Variants in DYNLL1 observed in about 807,000 individuals in gnomAD.
DYNLL1 encodes the protein dynein light chain 1, cytoplasmic.
In DYNLL1, 3 loss-of-function variants were observed where a neutral mutation model predicts 10.1. The observed-to-expected ratio is 0.30, with a 90% CI of 0.14 to 0.77. The LOEUF is 0.77. Ranked by LOEUF, DYNLL1 falls within the 30% of genes least tolerant of loss-of-function variation. The pLI is 0.66. For synonymous variants in DYNLL1, 46 were observed against 41.2 expected, an observed-to-expected ratio of 1.12 and a Z score of -0.45; for missense variants, 47 against 111.7, an observed-to-expected ratio of 0.42 and a Z score of 2.61.
intron 1 of DYNLL1, 61 bp from the exon 2 acceptor site, chr12:120,496,355 G>C (rs1374864415): frequency 1.2e-6 from 2 of 1,603,434 alleles, no homozygotes; most frequent in African/African-American, 2.7e-5. Context: ...CGGGGTGGGG[G>C]CAGTTAGTGC....
chr12:120,492,459 C>T (rs963433116), upstream of DYNLL1, among the ~76,000 whole-genome samples: 1 of 151,934 alleles, frequency 6.6e-6, no homozygotes, highest in Non-Finnish European at 1.5e-5. This position sits in a 1 kb window ranked among gnomAD's most constrained non-coding sequence, Gnocchi z 4.1. Flanking sequence ...CCCAGCTACT[C>T]GGGAGGCTGA....
chr12:120,491,919 G>A (rs1209548564), upstream of DYNLL1: 3 of 152,192 alleles, frequency 2.0e-5, no homozygotes, highest in Admixed American at 1.3e-4. Context: ...GCCAGGGGCC[G>A]ACGATGCTTA....
intron 1 of DYNLL1, among the ~76,000 whole-genome samples, chr12:120,484,582 A>G (rs1187176598): frequency 6.6e-6 from 1 of 152,200 alleles, no homozygotes; most frequent in Non-Finnish European, 1.5e-5. Flanking sequence ...TTTCACTTTT[A>G]TACAATGAGT....
chr12:120,476,097 G>A (rs2393590), intron 1 of DYNLL1, among the ~76,000 whole-genome samples: 40,985 of 151,894 alleles, frequency 0.27, 6,183 homozygotes, highest in East Asian at 0.5. Flanking sequence ...AAAGGGTAGG[G>A]GGGTGTGAAA....
rs374238591 is a variant in DYNLL1 at position 120,474,853 on chromosome 12, C to T, written c.-7+4749C>T. 4.1e-4 allele frequency among the ~76,000 whole-genome samples: 63 copies of T among 152,302 alleles called. No individual in the cohort carries two copies. The South Asian group carries it at 6.2e-3, about 15-fold the overall frequency. On this transcript the variant is annotated intron_variant, in intron 1 of 2. Transcript: ENST00000392509. ...AGCTATGGAATGAGTCACTGGGAAA[C>T]GTGTTCCTGGTCACAGCACCCTGGG...
At chr12:120,496,241 G>T (rs1323925217) in intron 1 of DYNLL1, 25 bp downstream of exon 1, 1 of 889,422 alleles carries the variant, frequency 1.1e-6, no homozygotes, top group Admixed American at 2.7e-5. Context: ...GGGCCAGGGG[G>T]TGTCCTCGCT....
chr12:120,496,747 T>G (rs1449772633), intron 2 of DYNLL1, 194 bp downstream of exon 2: 4 of 771,236 alleles, frequency 5.2e-6, no homozygotes, highest in East Asian at 2.7e-5. Context: ...CGAAGTTTTT[T>G]TTTTTTTTTT....
chr12:120,485,669 A>G (rs1373213822), intron 1 of DYNLL1, among the ~76,000 whole-genome samples: 1 of 151,792 alleles, frequency 6.6e-6, no homozygotes, highest in East Asian at 1.9e-4. Context: ...GTGATACCTC[A>G]TTTTTATTAA....
At chr12:120,492,583 T>A (rs1284058146), upstream of DYNLL1, among the ~76,000 whole-genome samples, 1 of 151,872 alleles carries the variant, frequency 6.6e-6, no homozygotes, top group African/African-American at 2.4e-5. The surrounding 1 kb of genome is among the most constrained non-coding windows in gnomAD (Gnocchi z 4.1). Context: ...AATAAATAAA[T>A]AAAAATAAAA....
chr12:120,495,732 T>C (rs1052784344), upstream of DYNLL1: 15 of 151,672 alleles, frequency 9.9e-5, no homozygotes, highest in African/African-American at 3.7e-4. Flanking sequence ...GCCACCAACT[T>C]CTAGAGACTG....
chr12:120,471,308 G>C (rs907634862), intron 1 of DYNLL1, among the ~76,000 whole-genome samples: 2 of 151,942 alleles, frequency 1.3e-5, no homozygotes, highest in East Asian at 3.9e-4. Context: ...GGGAGGCAGA[G>C]GTTGCAGTGA....
intron 2 of DYNLL1, chr12:120,497,107 AGAT>A (rs759375980): frequency 5.7e-5 from 10 of 176,908 alleles, no homozygotes; most frequent in Non-Finnish European, 1.1e-4. Context: ...GAGAATGGGA[AGAT>A]GAAAGACTTC....
intron 1 of DYNLL1, among the ~76,000 whole-genome samples, chr12:120,480,036 C>T (rs1878848604): frequency 6.6e-6 from 1 of 152,042 alleles, no homozygotes; most frequent in Admixed American, 6.6e-5. Context: ...TCACAGTGTC[C>T]AAAGGAGAGC....
intron 1 of DYNLL1, 96 bp downstream of exon 1, chr12:120,496,312 G>T: frequency 6.7e-7 from 1 of 1,493,032 alleles, no homozygotes; most frequent in African/African-American, 1.4e-5. Flanking sequence ...CTGAGAAGTG[G>T]GGTGGGGGGC....
At chr12:120,486,438 C>T (rs1292324469) in intron 1 of DYNLL1, among the ~76,000 whole-genome samples, 5 of 151,762 alleles carry the variant, frequency 3.3e-5, no homozygotes, top group African/African-American at 1.2e-4. Flanking sequence ...CCTCTCTGTC[C>T]CCTGAGAGAA....
chr12:120,479,135 A>G (rs1470032973), intron 1 of DYNLL1, among the ~76,000 whole-genome samples: 7 of 149,732 alleles, frequency 4.7e-5, no homozygotes, highest in African/African-American at 1.5e-4. Flanking sequence ...CTGCACAGCA[A>G]CCTGGGTGAC....
intron 1 of DYNLL1, among the ~76,000 whole-genome samples, chr12:120,479,156 T>A (rs1016321204): frequency 7.0e-6 from 1 of 142,690 alleles, no homozygotes; most frequent in Non-Finnish European, 1.5e-5. Context: ...AGAGCAAGTC[T>A]CCGTGTAAAA....
intron 1 of DYNLL1, among the ~76,000 whole-genome samples, chr12:120,483,210 C>T (rs2137062000): frequency 6.6e-6 from 1 of 151,802 alleles, no homozygotes; most frequent in East Asian, 1.9e-4. Flanking sequence ...TGGTGGTGCA[C>T]ACCTGTAACC....
At chr12:120,474,043 T>A (rs1428366521) in intron 1 of DYNLL1, among the ~76,000 whole-genome samples, 2 of 151,722 alleles carry the variant, frequency 1.3e-5, no homozygotes, top group Non-Finnish European at 2.9e-5. Context: ...AAATCCCTAC[T>A]GGTGTGACTG....
Sources: allele counts gnomAD v4.1 joint callset (sites outside exome capture counted in the v4.1 genomes callset), GRCh38; gene constraint gnomAD v4.1.1; non-coding constraint Gnocchi (gnomAD v3.1); transcripts MANE v1.5; gene names NCBI Gene and HGNC (gene_info 2026-07-23, HGNC 2026-07-21).